FAM131B: variants seen among roughly 807,000 people sequenced by gnomAD.
The protein encoded by FAM131B is family with sequence similarity 131 member B.
In FAM131B, 19 loss-of-function variants were observed where a neutral mutation model predicts 42.0. The observed-to-expected ratio is 0.45, with a 90% CI of 0.32 to 0.66. The LOEUF (loss-of-function observed/expected upper bound fraction) is 0.66, where lower values mean the gene tolerates loss of function less well. Among genes scored for constraint, FAM131B ranks in the 30% least tolerant of loss-of-function variants. FAM131B has a pLI of 0.05. For synonymous variants in FAM131B, 183 were observed against 177.6 expected (o/e 1.03, Z -0.24); for missense variants, 370 against 468.4 (o/e 0.79, Z 1.94).
chr7:143,359,784 A>C lies in FAM131B; in HGVS notation c.139-17T>G. On this transcript the variant is annotated splice_polypyrimidine_tract_variant and intron_variant, in intron 2 of 6. Transcript: ENST00000443739. This position sits in a 1 kb window ranked among gnomAD's most constrained non-coding sequence, Gnocchi z 5.4. Reference sequence around the variant, plus strand: ...TCGAGTTTGCTGTGAGGAGAGAGGAAAGGGAATGGGCATCCCAGTCACTCG... The same window carrying C: ...TCGAGTTTGCTGTGAGGAGAGAGGACAGGGAATGGGCATCCCAGTCACTCG... 1 of 1,561,436 alleles carries C rather than the reference A, an allele frequency of 6.4e-7. No individual in the cohort carries two copies.
the FAM131B span, among the ~76,000 whole-genome samples, chr7:143,372,055 GAGA>G: frequency 9.9e-5 from 15 of 152,136 alleles, no homozygotes; most frequent in African/African-American, 3.4e-4. Context: ...GGAGAGAGAG[GAGA>G]AGGTCTAGAA....
chr7:143,381,704 G>A, the FAM131B span: 3 of 1,604,806 alleles, frequency 1.9e-6, no homozygotes, highest in Non-Finnish European at 8.5e-7. Context: ...CGGGGACAGC[G>A]AGCCTCCCCC....
the FAM131B span, chr7:143,380,392 C>T: frequency 1.0e-6 from 1 of 985,454 alleles, no homozygotes; most frequent in Non-Finnish European, 1.2e-6. This position sits in a 1 kb window ranked among gnomAD's most constrained non-coding sequence, Gnocchi z 5.0. Context: ...CCCGGGGTCT[C>T]CACCAAGCGC....
At chr7:143,374,135 C>T in the FAM131B span, among the ~76,000 whole-genome samples, 1 of 151,990 alleles carries the variant, frequency 6.6e-6, no homozygotes, top group African/African-American at 2.4e-5. Context: ...AGGTAGATGA[C>T]TTATAAATGT....
the FAM131B span, chr7:143,381,391 G>A: frequency 3.4e-6 from 4 of 1,186,846 alleles, no homozygotes; most frequent in South Asian, 4.0e-5. Context: ...GAGACGCGGC[G>A]CGCACGCTCC....
upstream of FAM131B, chr7:143,363,801 C>T (rs748966461): frequency 6.6e-6 from 1 of 152,238 alleles, no homozygotes; most frequent in Non-Finnish European, 1.5e-5. Flanking sequence ...TTTTAGGTCT[C>T]TCCGAGGTTG....
chr7:143,376,630 C>G, the FAM131B span, among the ~76,000 whole-genome samples: 6 of 152,200 alleles, frequency 3.9e-5, no homozygotes, highest in Admixed American at 3.9e-4. Flanking sequence ...TTCACCCAGA[C>G]CTCATCCTGA....
rs1406048987 is a variant in FAM131B, at chr7:143,362,005, G to A, written c.28+571C>T. 1 of 970,080 alleles carries A rather than the reference G, an allele frequency of 1.0e-6. No individual in the cohort carries two copies. Among genetic ancestry groups the A allele is most frequent in the Non-Finnish European group, 1.2e-6 (1 of 816,098 alleles). 60.1% of individuals were successfully genotyped at this position (970,080 alleles called of 1,614,324 possible). Reference sequence around the variant, plus strand: ...GGCTCATCCCGCCCCCGCCCCAGAGGGAAAACGCACGTGAACAAAGCGAAT... The same window carrying A: ...GGCTCATCCCGCCCCCGCCCCAGAGAGAAAACGCACGTGAACAAAGCGAAT... On this transcript the variant is annotated intron_variant, in intron 1 of 6. Coordinates refer to ENST00000443739, the MANE Select transcript of FAM131B (RefSeq NM_001031690.3). The surrounding 1 kb of genome is among the most constrained non-coding windows in gnomAD (Gnocchi z 7.7).
intron 5 of FAM131B, among the ~76,000 whole-genome samples, chr7:143,357,746 C>T (rs1000709934): frequency 1.7e-4 from 26 of 152,218 alleles, no homozygotes; most frequent in African/African-American, 5.3e-4. Context: ...TACTTATAAG[C>T]ACATCTCCAT....
At chr7:143,364,816 A>T (rs1345625194), upstream of FAM131B, among the ~76,000 whole-genome samples, 1 of 152,242 alleles carries the variant, frequency 6.6e-6, no homozygotes, top group African/African-American at 2.4e-5. Flanking sequence ...GCACAAAAAA[A>T]GTTTAAGAAC....
At chr7:143,376,867 A>G in the FAM131B span, among the ~76,000 whole-genome samples, 1 of 152,340 alleles carries the variant, frequency 6.6e-6, no homozygotes, top group Middle Eastern at 3.4e-3. Context: ...CTTTTTTCAG[A>G]TTATAAAGTA....
intron 1 of FAM131B, chr7:143,361,183 G>A (rs1365966275): frequency 6.6e-6 from 1 of 152,536 alleles, no homozygotes; most frequent in Admixed American, 6.5e-5. Context: ...TGGGGGAAAG[G>A]AAGGGGCTTG....
Position 143,359,810 on chromosome 7 carries a change from C to T in FAM131B, c.139-43G>A. ...AGGGAATGGGCATCCCAGTCACTCG[C>T]AGGAATGCAAGGAAGCCCCCTTCCT... On this transcript the variant is annotated intron_variant, in intron 2 of 6. Coordinates refer to ENST00000443739, the MANE Select transcript of FAM131B (RefSeq NM_001031690.3). This position sits in a 1 kb window ranked among gnomAD's most constrained non-coding sequence, Gnocchi z 5.4. The T allele has an allele frequency of 6.5e-7, 1 of 1,543,166 alleles. No individual in the cohort carries two copies. The highest frequency in any genetic ancestry group is 8.8e-7 in the Non-Finnish European group (1 of 1,139,632).
In FAM131B at chr7:143,358,564, G is replaced by A. The variant is rs543757435; in HGVS notation, c.466+263C>T. On this transcript the variant is annotated intron_variant, in intron 5 of 6. Transcript: ENST00000443739. This position sits in a 1 kb window ranked among gnomAD's most constrained non-coding sequence, Gnocchi z 4.7. ...ACTTGAGGGAGTTCAGGTTTGGATAGTCCCGTGATGAGGAGAGAAGGCATC... is the reference window on the plus strand; with the variant it reads ...ACTTGAGGGAGTTCAGGTTTGGATAATCCCGTGATGAGGAGAGAAGGCATC... 8.5e-5 allele frequency among the ~76,000 whole-genome samples: 13 copies of A among 152,310 alleles called. No homozygotes were observed. Among genetic ancestry groups the A allele is most frequent in the African/African-American group, 3.1e-4 (13 of 41,564 alleles).
Position 143,359,429 on chromosome 7 carries a change from G to T in FAM131B, c.175-10C>A, listed in dbSNP as rs1186232028. The stretch of plus-strand genomic sequence containing the variant: ...TGTCCTCCATGGAGAGCTGGGATGG[G>T]AATGTGGGAGGAAGGGCAGAGGAAT... On this transcript the variant is annotated splice_polypyrimidine_tract_variant and intron_variant, in intron 3 of 6. Transcript: ENST00000443739. This position sits in a 1 kb window ranked among gnomAD's most constrained non-coding sequence, Gnocchi z 5.4. 6.2e-7 allele frequency: 1 copy of T among 1,603,090 alleles called. No individual in the cohort carries two copies.
chr7:143,371,366 C>A, the FAM131B span, among the ~76,000 whole-genome samples: 1 of 151,816 alleles, frequency 6.6e-6, no homozygotes, highest in South Asian at 2.1e-4. Context: ...AATCCCAGCA[C>A]TTTGGGAGGC....
In FAM131B at chr7:143,359,394, A is replaced by G. The variant is rs1205683629; in HGVS notation, c.200T>C (p.Ile67Thr). 6.2e-7 allele frequency: 1 copy of G among 1,613,770 alleles called. No individual in the cohort carries two copies. The highest frequency in any genetic ancestry group is 1.1e-5 in the South Asian group (1 of 90,954). ...INLSMEDTTS[I>T]LPKLKRNSNA... ...AGAGTTTCGCTTAAGCTTCGGAAGAATGGAAGTGGTGTCCTCCATGGAGAG... is the reference window on the plus strand; with the variant it reads ...AGAGTTTCGCTTAAGCTTCGGAAGAGTGGAAGTGGTGTCCTCCATGGAGAG... The change falls in exon 4 of 7, where the codon ATT becomes ACT. Residue 67 changes from isoleucine to threonine, a missense_variant. Coordinates refer to ENST00000443739, the MANE Select transcript of FAM131B (RefSeq NM_001031690.3). This position sits in a 1 kb window ranked among gnomAD's most constrained non-coding sequence, Gnocchi z 5.4.
At position 143,355,773 on chromosome 7, in the gene FAM131B, C is replaced by T. The variant is rs948501797; in HGVS notation, c.*777G>A. 4 of 152,448 alleles carry T rather than the reference C, an allele frequency of 2.6e-5. No homozygotes were observed. Among genetic ancestry groups the T allele is most frequent in the Admixed American group, 2.6e-4 (4 of 15,282 alleles). 9.4% of individuals were successfully genotyped at this position (152,448 alleles called of 1,614,324 possible). A position where few individuals can be genotyped will look rare whatever the true frequency, so the allele number is the denominator to read the frequency against. ...GCAGCCAGCCCTGGCTGGGTCTTTT[C>T]CCAGATCCTTAGGATCTTCCTTTTA... On this transcript the variant is annotated 3_prime_UTR_variant, in exon 7 of 7. Coordinates refer to ENST00000443739, the MANE Select transcript of FAM131B (RefSeq NM_001031690.3). The surrounding 1 kb of genome is among the most constrained non-coding windows in gnomAD (Gnocchi z 4.1).
In FAM131B at chr7:143,359,733, T is replaced by C. The variant is rs994185118; in HGVS notation, c.173A>G (p.Asn58Ser). The change falls in exon 3 of 7, where the codon AAC becomes AGC. Residue 58 changes from asparagine (N) to serine (S), a missense_variant and splice_region_variant. Coordinates refer to ENST00000443739, the MANE Select transcript of FAM131B (RefSeq NM_001031690.3). The surrounding 1 kb of genome is among the most constrained non-coding windows in gnomAD (Gnocchi z 5.4). ...AGGTCTGGGGGCAGCTGCACTCACGTTGATGCCGTCCCAGGAGAAATCAGT... is the reference window on the plus strand; with the variant it reads ...AGGTCTGGGGGCAGCTGCACTCACGCTGATGCCGTCCCAGGAGAAATCAGT... ...TRTDFSWDGI[N>S]LSMEDTTSIL... The C allele has an allele frequency of 6.4e-7, 1 of 1,570,812 alleles. No homozygotes were observed. Among genetic ancestry groups the C allele is most frequent in the Non-Finnish European group, 8.6e-7 (1 of 1,157,206 alleles).
Sources: allele counts gnomAD v4.1 joint callset (sites outside exome capture counted in the v4.1 genomes callset), GRCh38; gene constraint gnomAD v4.1.1; non-coding constraint Gnocchi (gnomAD v3.1); transcripts MANE v1.5; gene names NCBI Gene and HGNC (gene_info 2026-07-23, HGNC 2026-07-21).